The following ADAMTS2 variants were observed in gnomAD, a reference collection of about 807,000 sequenced individuals.
ADAMTS2 encodes A disintegrin and metalloproteinase with thrombospondin motifs 2.
In ADAMTS2, 50 loss-of-function variants were observed where a neutral mutation model predicts 123.0. The observed-to-expected ratio is 0.41, with a 90% CI of 0.32 to 0.51. The LOEUF (loss-of-function observed/expected upper bound fraction) is 0.51. Ranked by LOEUF, ADAMTS2 falls within the 20% of genes least tolerant of loss-of-function variation. The pLI, the probability that ADAMTS2 is intolerant of heterozygous loss-of-function variation, is 0.35. For missense variants in ADAMTS2, 1,494 were observed against 1,705.2 expected, an observed-to-expected ratio of 0.88 and a Z score of 2.18; for synonymous variants, 678 against 695.4, an observed-to-expected ratio of 0.98 and a Z score of 0.39.
chr5:179,168,650 G>A (rs2113287202), intron 5 of ADAMTS2, among the ~76,000 whole-genome samples: 1 of 152,270 alleles, frequency 6.6e-6, no homozygotes, highest in Non-Finnish European at 1.5e-5. Context: ...CTCTTATGGG[G>A]GAAACTAAGG....
At chr5:179,187,247 C>G (rs1764193393) in intron 4 of ADAMTS2, among the ~76,000 whole-genome samples, 2 of 152,214 alleles carry the variant, frequency 1.3e-5, no homozygotes, top group Non-Finnish European at 2.9e-5. Context: ...TGCTTAAACC[C>G]TTCCTACCCC....
intron 3 of ADAMTS2, among the ~76,000 whole-genome samples, chr5:179,266,349 G>A (rs1766371811): frequency 1.3e-5 from 2 of 152,312 alleles, no homozygotes. Flanking sequence ...GGTCCCAGCG[G>A]GCCCTAAATG....
chr5:179,236,636 A>G (rs1169020625), intron 3 of ADAMTS2, among the ~76,000 whole-genome samples: 2 of 152,106 alleles, frequency 1.3e-5, no homozygotes, highest in Non-Finnish European at 2.9e-5. Context: ...ATACACATAA[A>G]AAAAATTAGC....
intron 2 of ADAMTS2, among the ~76,000 whole-genome samples, chr5:179,301,149 C>T (rs533909572): frequency 3.1e-4 from 46 of 148,794 alleles, no homozygotes; most frequent in Admixed American, 1.3e-3. Context: ...CTCCTGTCCC[C>T]CAGGAAAAAA....
At chr5:179,289,602 G>A (rs1756129562) in intron 2 of ADAMTS2, among the ~76,000 whole-genome samples, 1 of 152,150 alleles carries the variant, frequency 6.6e-6, no homozygotes, top group Non-Finnish European at 1.5e-5. Flanking sequence ...AAAAAAGAGT[G>A]AAAGAGTGGT....
intron 3 of ADAMTS2, among the ~76,000 whole-genome samples, chr5:179,237,553 C>T (rs1227886108): frequency 6.6e-6 from 1 of 152,296 alleles, no homozygotes; most frequent in East Asian, 1.9e-4. Flanking sequence ...TCAAGAAAGG[C>T]TTCGTCACCT....
intron 3 of ADAMTS2, among the ~76,000 whole-genome samples, chr5:179,241,403 G>A (rs1438199694): frequency 1.3e-5 from 2 of 152,228 alleles, no homozygotes; most frequent in East Asian, 3.8e-4. Context: ...GGAAAACGAG[G>A]AGACAGCAGA....
At chr5:179,316,476 C>T (rs901849458) in intron 2 of ADAMTS2, among the ~76,000 whole-genome samples, 1 of 152,132 alleles carries the variant, frequency 6.6e-6, no homozygotes, top group East Asian at 1.9e-4. Flanking sequence ...CTGCCTAGGC[C>T]CCCTAGGGCT....
At position 179,202,281 on chromosome 5, in the gene ADAMTS2, C is replaced by T. The variant is rs953097167; in HGVS notation, c.891+5232G>A. Among the ~76,000 whole-genome samples the T allele has an allele frequency of 7.9e-5, 12 of 152,024 alleles. No homozygotes were observed. The highest frequency in any genetic ancestry group is 2.7e-4 in the African/African-American group (11 of 41,386). ...CATTCCTGCCTCAGGGCCTTGGCGCCGCCTGCCCCCTCCCCCAAACCTGGA... is the reference window on the plus strand; with the variant it reads ...CATTCCTGCCTCAGGGCCTTGGCGCTGCCTGCCCCCTCCCCCAAACCTGGA... On this transcript the variant is annotated intron_variant, in intron 4 of 21. Coordinates refer to ENST00000251582, the MANE Select transcript of ADAMTS2 (RefSeq NM_014244.5). The surrounding 1 kb of genome is among the most constrained non-coding windows in gnomAD (Gnocchi z 4.0).
rs866818707 is a variant in ADAMTS2 at position 179,260,681 on chromosome 5, C to T, written c.688+12230G>A. On this transcript the variant is annotated intron_variant, in intron 3 of 21. Coordinates refer to ENST00000251582, the MANE Select transcript of ADAMTS2 (RefSeq NM_014244.5). The surrounding 1 kb of genome is among the most constrained non-coding windows in gnomAD (Gnocchi z 4.2). ...TACAGCTTACTATCTGTGCGACCGT[C>T]GGCACCTCAGTTTCCTCATCTGTAA... 2.6e-5 allele frequency among the ~76,000 whole-genome samples: 4 copies of T among 152,186 alleles called. No individual in the cohort carries two copies. The highest frequency in any genetic ancestry group is 1.9e-4 in the East Asian group (1 of 5,194).
intron 2 of ADAMTS2, among the ~76,000 whole-genome samples, chr5:179,277,296 A>C (rs1766724529): frequency 6.8e-6 from 1 of 146,244 alleles, no homozygotes. Flanking sequence ...ACATGGTGGC[A>C]CCTGCCCCGA....
chr5:179,226,203 T>C (rs977171855), intron 3 of ADAMTS2, among the ~76,000 whole-genome samples: 3 of 151,844 alleles, frequency 2.0e-5, no homozygotes, highest in African/African-American at 7.3e-5. Context: ...TCTTTATCTC[T>C]TTCTTTCTTT....
chr5:179,141,034 C>T (rs1763158785), intron 10 of ADAMTS2, among the ~76,000 whole-genome samples: 1 of 151,586 alleles, frequency 6.6e-6, no homozygotes, highest in Non-Finnish European at 1.5e-5. Context: ...AGGCTGGTCT[C>T]GAACTCCTGA....
At chr5:179,171,478 G>A (rs1286582407) in intron 5 of ADAMTS2, among the ~76,000 whole-genome samples, 6 of 152,200 alleles carry the variant, frequency 3.9e-5, no homozygotes, top group Non-Finnish European at 1.5e-5. Context: ...CTAAAGCAAC[G>A]AGGACTCATA....
At chr5:179,306,150 C>A (rs921756433) in intron 2 of ADAMTS2, among the ~76,000 whole-genome samples, 1 of 151,538 alleles carries the variant, frequency 6.6e-6, no homozygotes, top group Non-Finnish European at 1.5e-5. Flanking sequence ...AAAAACCCTA[C>A]AAACCAATAT....
chr5:179,121,088 C>A (rs1037790403), intron 21 of ADAMTS2: 18 of 152,256 alleles, frequency 1.2e-4, no homozygotes, highest in African/African-American at 4.1e-4. Context: ...GGCCGACGGG[C>A]GGACAGTGGA....
In ADAMTS2 at chr5:179,207,332, G is replaced by A. The variant is rs572826813; in HGVS notation, c.891+181C>T. 4.5e-3 allele frequency among the ~76,000 whole-genome samples: 692 copies of A among 152,286 alleles called. 5 individuals are homozygous for A. Among genetic ancestry groups the A allele is most frequent in the Non-Finnish European group, 8.1e-3 (552 of 68,018 alleles). On this transcript the variant is annotated intron_variant, in intron 4 of 21. Coordinates refer to ENST00000251582, the MANE Select transcript of ADAMTS2 (RefSeq NM_014244.5). ...TGCAGACGAGAGAACTGAGGTCAGG[G>A]ATGGTCAACTTGTCTCACCTGGGGA...
rs1467194431 is a variant in ADAMTS2, at chr5:179,189,874, A to C, written c.892-8719T>G. Among the ~76,000 whole-genome samples the C allele has an allele frequency of 6.6e-6, 1 of 151,910 alleles. No individual in the cohort carries two copies. The highest frequency in any genetic ancestry group is 1.5e-5 in the Non-Finnish European group (1 of 68,016). On this transcript the variant is annotated intron_variant, in intron 4 of 21. Transcript: ENST00000251582. This position sits in a 1 kb window ranked among gnomAD's most constrained non-coding sequence, Gnocchi z 4.2. Reference sequence around the variant, plus strand: ...CAAGGGTGGGGAGGGTGTATCATACAAAGTAGATTCACAAGGGCGGGTCCG... The same window carrying C: ...CAAGGGTGGGGAGGGTGTATCATACCAAGTAGATTCACAAGGGCGGGTCCG...
At chr5:179,147,181 C>T (rs1352100703) in intron 10 of ADAMTS2, among the ~76,000 whole-genome samples, 1 of 152,152 alleles carries the variant, frequency 6.6e-6, no homozygotes, top group Non-Finnish European at 1.5e-5. Context: ...CTCCACCTCC[C>T]GGGTTCAAGT....
Sources: gnomAD v4.1 joint callset for allele counts (sites outside exome capture counted in the v4.1 genomes callset) on GRCh38, gnomAD v4.1.1 for gene constraint, Gnocchi (gnomAD v3.1) non-coding constraint, MANE v1.5 for transcripts, NCBI Gene and HGNC (gene_info 2026-07-23, HGNC 2026-07-21) for gene names.